ROS1: variants seen among roughly 807,000 people sequenced by gnomAD.
ROS1 encodes the protein ROS proto-oncogene 1, receptor tyrosine kinase, also known as proto-oncogene tyrosine-protein kinase ROS.
ROS1 carries 263 observed loss-of-function variants against 273.5 expected under a neutral mutation model. The ratio of observed to expected loss-of-function variants is 0.96; its 90% CI spans 0.87 to 1.06. ROS1 has a LOEUF of 1.06. Among genes scored for constraint, ROS1 ranks in the 50% least tolerant of loss-of-function variants. The pLI, the probability that ROS1 is intolerant of heterozygous loss-of-function variation, is 0.00. For synonymous variants in ROS1, 1,008 were observed against 954.1 expected, an observed-to-expected ratio of 1.06 and a Z score of -1.04; for missense variants, 2,833 against 2,751.1, an observed-to-expected ratio of 1.03 and a Z score of -0.67.
chr6:117,297,366 A>G (rs1044495338), intron 43 of ROS1, among the ~76,000 whole-genome samples: 2 of 152,206 alleles, frequency 1.3e-5, no homozygotes, highest in African/African-American at 2.4e-5. Context: ...AAATAGACAA[A>G]TGTGACTTAA....
At chr6:117,380,028 GAGACAGAT>G (rs1464826952) in intron 17 of ROS1, among the ~76,000 whole-genome samples, 2 of 152,092 alleles carry the variant, frequency 1.3e-5, no homozygotes, top group Non-Finnish European at 2.9e-5. Flanking sequence ...TAGAATCCAT[GAGACAGAT>G]AGAAGTTACT....
chr6:117,352,864 G>T, intron 27 of ROS1, 126 bp downstream of exon 27: 1 of 779,262 alleles, frequency 1.3e-6, no homozygotes, highest in Non-Finnish European at 2.1e-6. Flanking sequence ...AAGACTAGCA[G>T]AGTTTGGAGC....
intron 32 of ROS1, among the ~76,000 whole-genome samples, chr6:117,332,171 A>G (rs1777126723): frequency 6.6e-6 from 1 of 152,030 alleles, no homozygotes; most frequent in Non-Finnish European, 1.5e-5. Context: ...GAAAGCAAAA[A>G]AAAAAAAAAA....
rs2128593633 is a variant in ROS1, at chr6:117,329,443, C to T, written c.5234G>A (p.Gly1745Glu). ...GGGAATGCCTGGTTTATTTGGGACTCCAGCTTTAGGGAAAAAAAGAAAATA... is the reference window on the plus strand; with the variant it reads ...GGGAATGCCTGGTTTATTTGGGACTTCAGCTTTAGGGAAAAAAAGAAAATA... ...SLPESFKTKA[G>E]VPNKPGIPKL... The change falls in exon 33 of 44, where the codon GGA becomes GAA. Residue 1745 changes from glycine to glutamate, a missense_variant. Physicochemically the swap from Gly to Glu is moderately conservative, Grantham distance 98. Coordinates refer to ENST00000368507, the MANE Select transcript of ROS1 (RefSeq NM_001378902.1). The T allele has an allele frequency of 6.7e-7, 1 of 1,499,616 alleles. No individual in the cohort carries two copies. The highest frequency in any genetic ancestry group is 1.2e-5 in the South Asian group (1 of 86,454). The allele number at this position is 1,499,616 out of a possible 1,614,324, so 92.9% of individuals were successfully genotyped here.
At chr6:117,346,208 G>A (rs950195334) in intron 27 of ROS1, among the ~76,000 whole-genome samples, 11 of 151,840 alleles carry the variant, frequency 7.2e-5, no homozygotes, top group Non-Finnish European at 1.5e-4. Flanking sequence ...ACATGTTGAA[G>A]TGTCAGAAAC....
At chr6:117,290,262 T>C (rs1773742625) in intron 43 of ROS1, among the ~76,000 whole-genome samples, 1 of 152,184 alleles carries the variant, frequency 6.6e-6, no homozygotes, top group Non-Finnish European at 1.5e-5. Context: ...CAAATTCTGT[T>C]GTTATGTGTC....
Position 117,373,549 on chromosome 6 carries a change from G to A in ROS1, c.2582+5510C>T, listed in dbSNP as rs182077915. 8.6e-3 allele frequency among the ~76,000 whole-genome samples: 1,313 copies of A among 152,326 alleles called. 20 individuals carry two copies. The highest frequency in any genetic ancestry group is 0.03 in the African/African-American group (1,234 of 41,576). On this transcript the variant is annotated intron_variant, in intron 18 of 43. Transcript: ENST00000368507. ...CTGGATGCTAAGCCCCTCACTGCCC[G>A]GGGCTGGTGGCACTGGCCAGCCGCT...
intron 27 of ROS1, among the ~76,000 whole-genome samples, chr6:117,347,122 T>C (rs907971289): frequency 3.9e-5 from 6 of 152,098 alleles, no homozygotes; most frequent in Non-Finnish European, 8.8e-5. Context: ...GGGATTTTCA[T>C]TGGGATTTTA....
chr6:117,303,663 G>T (rs777118026), intron 42 of ROS1, among the ~76,000 whole-genome samples: 6 of 152,106 alleles, frequency 3.9e-5, no homozygotes, highest in Non-Finnish European at 8.8e-5. Context: ...CACTACAAGG[G>T]GAAGCTTTTC....
intron 4 of ROS1, among the ~76,000 whole-genome samples, chr6:117,410,193 G>T (rs955162496): frequency 6.6e-6 from 1 of 152,114 alleles, no homozygotes; most frequent in Non-Finnish European, 1.5e-5. Context: ...ACTCTTGGTT[G>T]GCTGAATTGA....
Position 117,403,195 on chromosome 6 carries a change from G to C in ROS1, c.548C>G (p.Ala183Gly). ...YIFRVVWIFT[A>G]QLQLYSPPSP... The stretch of plus-strand genomic sequence containing the variant: ...TGGAGGGGAGTAGAGCTGCAGCTGC[G>C]CTGTGAAGATCCAAACCACTCGGAA... Residue 183 changes from alanine to glycine, a missense_variant, in exon 7 of 44, where the codon GCG (alanine) becomes GGG (glycine). Transcript: ENST00000368507. The C allele has an allele frequency of 6.2e-7, 1 of 1,612,974 alleles. No individual in the cohort carries two copies. Among genetic ancestry groups the C allele is most frequent in the Non-Finnish European group, 8.5e-7 (1 of 1,179,722 alleles).
In ROS1 at chr6:117,341,537, CT is replaced by C. The variant is rs1219847705; in HGVS notation, c.4746del (p.Glu1583AsnfsTer14). 1 of 1,613,712 alleles carries C rather than the reference CT, an allele frequency of 6.2e-7. No homozygotes were observed. The highest frequency in any genetic ancestry group is 1.7e-5 in the Admixed American group (1 of 59,982). ...ATTGCCAACTGATAACGGACTGATT[CT>C]TTAGGTCCATTTGGCTTGTGAGATT... The part of the protein sequence containing the change: ...WRESHKPNGP[K>X]ESVRYQLAIS... On this transcript the variant is annotated frameshift_variant, in exon 30 of 44. Coordinates refer to ENST00000368507, the MANE Select transcript of ROS1 (RefSeq NM_001378902.1). LOFTEE classifies it high-confidence loss of function.
At chr6:117,382,728 G>C (rs1772252185) in intron 17 of ROS1, among the ~76,000 whole-genome samples, 1 of 152,016 alleles carries the variant, frequency 6.6e-6, no homozygotes. Flanking sequence ...ATAATAATAT[G>C]AGCTTAACTA....
chr6:117,326,091 TTATA>T (rs56113300), intron 34 of ROS1, 129 bp downstream of exon 34: 27,616 of 146,368 alleles, frequency 0.19, 1,827 homozygotes, highest in East Asian at 0.26. Flanking sequence ...GATAATAAGA[TTATA>T]TATATATATA....
chr6:117,318,403 C>A, intron 37 of ROS1, 151 bp from the exon 38 acceptor site: 1 of 622,442 alleles, frequency 1.6e-6, no homozygotes. Context: ...ATTCTACAAA[C>A]CCTTCAAATG....
intron 14 of ROS1, among the ~76,000 whole-genome samples, chr6:117,387,375 T>C (rs1772670034): frequency 6.6e-6 from 1 of 152,210 alleles, no homozygotes; most frequent in South Asian, 2.1e-4. Flanking sequence ...AATGGTATAG[T>C]CATCCTTCCA....
chr6:117,374,446 C>T (rs1212167616), intron 18 of ROS1, among the ~76,000 whole-genome samples: 1 of 152,150 alleles, frequency 6.6e-6, no homozygotes. Context: ...AAACTGGATC[C>T]TCATCTCTTG....
chr6:117,365,188 T>C lies in ROS1; in HGVS notation c.2975A>G (p.Gln992Arg), dbSNP rs772131519. The C allele has an allele frequency of 6.2e-7, 1 of 1,603,508 alleles. No homozygotes were observed. Among genetic ancestry groups the C allele is most frequent in the South Asian group, 1.1e-5 (1 of 89,134 alleles). ...SAHSKFLASE[Q>R]HSLPVFTVEG... ...CACAGTAAATACAGGTAAAGAGTGT[T>C]GTTCACTAGCCAAGAACTAAAATAT... The change falls in exon 21 of 44, where the codon CAA becomes CGA. Residue 992 changes from glutamine (Q) to arginine (R), a missense_variant. Coordinates refer to ENST00000368507, the MANE Select transcript of ROS1 (RefSeq NM_001378902.1).
intron 12 of ROS1, among the ~76,000 whole-genome samples, chr6:117,392,171 G>A (rs1018765929): frequency 5.9e-5 from 9 of 152,252 alleles, no homozygotes; most frequent in African/African-American, 2.2e-4. Flanking sequence ...GAGAATCCTT[G>A]TCCTACATCA....
Sources: allele counts gnomAD v4.1 joint callset (sites outside exome capture counted in the v4.1 genomes callset), GRCh38; gene constraint gnomAD v4.1.1; transcripts MANE v1.5; gene names NCBI Gene and HGNC (gene_info 2026-07-23, HGNC 2026-07-21).